ALDH9A1: variants seen among roughly 807,000 people sequenced by gnomAD.
The protein encoded by ALDH9A1 is aldehyde dehydrogenase 9 family member A1.
Under a neutral mutation model 56.6 loss-of-function variants are expected in ALDH9A1, and 42 were observed. That is an observed-to-expected ratio of 0.74 (90% CI 0.58 to 0.96). ALDH9A1 has a LOEUF of 0.96. ALDH9A1 is among the 40% of genes least tolerant of loss of function. ALDH9A1 has a pLI of 0.00. For missense variants in ALDH9A1, 661 were observed against 651.5 expected (o/e 1.01, Z -0.16); for synonymous variants, 242 against 236.0 (o/e 1.03, Z -0.23).
chr1:165,676,313 G>A (rs768796004), intron 6 of ALDH9A1: 32 of 158,228 alleles, frequency 2.0e-4, no homozygotes, highest in Non-Finnish European at 3.2e-4. Flanking sequence ...TCACCAAAAC[G>A]ACAAACACAG....
chr1:165,663,390 A>C (rs1252281836), intron 10 of ALDH9A1, among the ~76,000 whole-genome samples: 1 of 152,218 alleles, frequency 6.6e-6, no homozygotes, highest in Non-Finnish European at 1.5e-5. Flanking sequence ...TAGGAATCTT[A>C]ATTTCAGGTA....
At chr1:165,692,813 T>A (rs1216855547) in intron 2 of ALDH9A1, among the ~76,000 whole-genome samples, 1 of 151,926 alleles carries the variant, frequency 6.6e-6, no homozygotes, top group South Asian at 2.1e-4. Context: ...GACTTCAAAC[T>A]ATACTACAAG....
chr1:165,670,269 C>A (rs1649134629), intron 6 of ALDH9A1, among the ~76,000 whole-genome samples: 1 of 152,000 alleles, frequency 6.6e-6, no homozygotes, highest in Admixed American at 6.6e-5. Flanking sequence ...CCCATCTCTA[C>A]AAAAAACATA....
intron 1 of ALDH9A1, among the ~76,000 whole-genome samples, chr1:165,697,261 A>G (rs1387604097): frequency 6.6e-6 from 1 of 152,230 alleles, no homozygotes; most frequent in Non-Finnish European, 1.5e-5. Context: ...TGGAGAGCTC[A>G]CGTAGACCAT....
At chr1:165,682,073 A>G (rs993419706) in intron 4 of ALDH9A1, 34 bp downstream of exon 4, 1 of 1,611,592 alleles carries the variant, frequency 6.2e-7, no homozygotes, top group African/African-American at 1.3e-5. Context: ...GAATGAACGA[A>G]TGGCTCTCAA....
At chr1:165,685,180 A>G (rs1359281801) in intron 2 of ALDH9A1, among the ~76,000 whole-genome samples, 3 of 152,264 alleles carry the variant, frequency 2.0e-5, no homozygotes, top group Non-Finnish European at 2.9e-5. Context: ...GTTGTTCCCA[A>G]CCCTGTTCCT....
chr1:165,683,686 C>G (rs1649624303), intron 2 of ALDH9A1, among the ~76,000 whole-genome samples: 1 of 152,176 alleles, frequency 6.6e-6, no homozygotes, highest in African/African-American at 2.4e-5. Context: ...GCAGCATATT[C>G]TCTTCTAATA....
chr1:165,698,320 G>C (rs964969620), intron 1 of ALDH9A1, 58 bp downstream of exon 1: 20 of 1,541,762 alleles, frequency 1.3e-5, no homozygotes, highest in Admixed American at 6.5e-5. Context: ...GGGGCTGGCC[G>C]GGAAATCCGC....
Position 165,680,680 on chromosome 1 carries a change from T to C in ALDH9A1, c.596A>G (p.Asn199Ser), listed in dbSNP as rs1418351233. The change falls in exon 5 of 11, where the codon AAT becomes AGT. Residue 199 changes from asparagine to serine, a missense_variant. By Grantham distance (46) the Asn-to-Ser change is conservative. Transcript: ENST00000354775. Reference sequence around the variant, plus strand: ...GGGAGAAGGTTTAAAGACCATGGCATTACCTGCATAAACCCAAGACACAAA... The same window carrying C: ...GGGAGAAGGTTTAAAGACCATGGCACTACCTGCATAAACCCAAGACACAAA... ...WKSAPALACG[N>S]AMVFKPSPFT... 1.2e-6 allele frequency: 2 copies of C among 1,604,246 alleles called. No individual in the cohort carries two copies. The highest frequency in any genetic ancestry group is 2.7e-5 in the African/African-American group (2 of 74,362).
rs374797933 is a variant in ALDH9A1, at chr1:165,663,030, A to G, written c.*20T>C. On this transcript the variant is annotated 3_prime_UTR_variant, in exon 11 of 11. Coordinates refer to ENST00000354775, the MANE Select transcript of ALDH9A1 (RefSeq NM_000696.4). ...ATCATTCCACAGCGTGGCCATGTCAATAGGTTTCACTGCAGGTTTTCAAAA... is the reference window on the plus strand; with the variant it reads ...ATCATTCCACAGCGTGGCCATGTCAGTAGGTTTCACTGCAGGTTTTCAAAA... 6.2e-7 allele frequency: 1 copy of G among 1,607,144 alleles called. No individual in the cohort carries two copies. Among genetic ancestry groups the G allele is most frequent in the Non-Finnish European group, 8.5e-7 (1 of 1,173,764 alleles).
chr1:165,695,379 A>C lies in ALDH9A1; in HGVS notation c.200T>G (p.Phe67Cys), dbSNP rs1650040224. ...TACTTCCTTTTCTCCTGAACATGTG[A>C]AAGTAGCTATCACTCGGCCTATAAA... is the stretch of plus-strand genomic sequence containing the variant. ...EPATGRVIAT[F>C]TCSGEKEVNL... The change falls in exon 2 of 11, where the codon TTC becomes TGC. Residue 67 changes from phenylalanine to cysteine, a missense_variant. Phe to Cys is a radical substitution (Grantham distance 205, BLOSUM62 -2). Coordinates refer to ENST00000354775, the MANE Select transcript of ALDH9A1 (RefSeq NM_000696.4). The C allele has an allele frequency of 1.2e-6, 2 of 1,610,898 alleles. No individual in the cohort carries two copies. The highest frequency in any genetic ancestry group is 1.7e-5 in the Admixed American group (1 of 59,464).
Position 165,681,715 on chromosome 1 carries a change from AAG to A in ALDH9A1, c.592+390_592+391del, listed in dbSNP as rs1388527988. Among the ~76,000 whole-genome samples, 8 of 152,346 alleles carry A rather than the reference AAG, an allele frequency of 5.3e-5. No individual in the cohort carries two copies. The South Asian group carries it at 1.7e-3, about 32-fold the overall frequency. On this transcript the variant is annotated intron_variant, in intron 4 of 10. Transcript: ENST00000354775. Reference sequence around the variant, plus strand: ...ATTTCTCTTAAGACCCAAATGAAGAAAGGAGTTTATCTTCTGCTTCGTAAATG... The same window carrying A: ...ATTTCTCTTAAGACCCAAATGAAGAAGAGTTTATCTTCTGCTTCGTAAATG...
chr1:165,663,224 T>G (rs1199032869), intron 10 of ALDH9A1, 80 bp from the exon 11 acceptor site: 8 of 1,145,806 alleles, frequency 7.0e-6, no homozygotes, highest in African/African-American at 3.1e-5. Context: ...AGATGAGCAC[T>G]GCTAATCAGG....
chr1:165,674,906 G>A (rs1649300024), intron 6 of ALDH9A1, among the ~76,000 whole-genome samples: 1 of 151,430 alleles, frequency 6.6e-6, no homozygotes, highest in Admixed American at 6.6e-5. Context: ...TGGGCATGGT[G>A]GCTCATGCCA....
chr1:165,676,612 T>G (rs377591357), intron 6 of ALDH9A1: 1 of 312,980 alleles, frequency 3.2e-6, no homozygotes, highest in Admixed American at 4.2e-5. Context: ...AGACCCAAGA[T>G]AGCTTCTGAA....
At chr1:165,685,942 T>C (rs1296512909) in intron 2 of ALDH9A1, among the ~76,000 whole-genome samples, 1 of 152,164 alleles carries the variant, frequency 6.6e-6, no homozygotes, top group Non-Finnish European at 1.5e-5. Context: ...ATCCAAATGA[T>C]AGCTACTTCA....
intron 6 of ALDH9A1, among the ~76,000 whole-genome samples, chr1:165,670,605 T>TA (rs1450630594): frequency 6.6e-6 from 1 of 152,060 alleles, no homozygotes; most frequent in Non-Finnish European, 1.5e-5. Context: ...CCAAGACCAT[T>TA]AAAAAATTGG....
chr1:165,667,209 G>A (rs72698055), intron 9 of ALDH9A1, 100 bp downstream of exon 9: 29,336 of 1,477,410 alleles, frequency 0.02, 346 homozygotes, highest in South Asian at 0.024. Flanking sequence ...TGGCTCCTAT[G>A]AGGGCAAACT....
At chr1:165,695,487 C>CTTTT (rs34894576) in intron 1 of ALDH9A1, 90 bp from the exon 2 acceptor site, 59 of 338,056 alleles carry the variant, frequency 1.7e-4, no homozygotes, top group African/African-American at 7.5e-4. Context: ...TAGTAGTAGT[C>CTTTT]TTTTTTTTTT....
Sources: allele counts gnomAD v4.1 joint callset (sites outside exome capture counted in the v4.1 genomes callset), GRCh38; gene constraint gnomAD v4.1.1; transcripts MANE v1.5; gene names NCBI Gene and HGNC (gene_info 2026-07-23, HGNC 2026-07-21).